Variants in SLC30A2 observed in about 807,000 individuals in gnomAD.
The protein encoded by SLC30A2 is proton-coupled zinc antiporter SLC30A2.
In SLC30A2, 19 loss-of-function variants were observed where a neutral mutation model predicts 39.6. That is an observed-to-expected ratio of 0.48 (90% confidence interval 0.34 to 0.70). The LOEUF (loss-of-function observed/expected upper bound fraction) is 0.70, where lower values mean the gene tolerates loss of function less well. Among genes scored for constraint, SLC30A2 ranks in the 30% least tolerant of loss-of-function variants. The pLI, the probability that SLC30A2 is intolerant of heterozygous loss-of-function variation, is 0.01. For missense variants in SLC30A2, 387 were observed against 479.4 expected (o/e 0.81, Z 1.80); for synonymous variants, 195 against 194.8 (o/e 1.00, Z -0.01).
At position 26,041,777 on chromosome 1, in the gene SLC30A2, C is replaced by G; in HGVS notation, c.761G>C (p.Cys254Ser). The G allele has an allele frequency of 1.2e-6, 2 of 1,612,854 alleles. No homozygotes were observed. The highest frequency in any genetic ancestry group is 1.7e-6 in the Non-Finnish European group (2 of 1,178,884). ...GACCAGGATGGAGAAGACGAAGGTG[C>G]AGATGGGGTCTACATACTTGTATTC... Reference protein sequence around the residue: ...KPEYKYVDPICTFVFSILVLG... With the variant: ...KPEYKYVDPISTFVFSILVLG... The change falls in exon 6 of 8, where the codon TGC (cysteine) becomes TCC (serine). Residue 254 changes from cysteine to serine, a missense_variant. Coordinates refer to ENST00000374276, the MANE Select transcript of SLC30A2 (RefSeq NM_001004434.3).
chr1:26,037,824 G>A lies in SLC30A2; in HGVS notation c.*1336C>T, dbSNP rs933765943. ...GGCACAAAGAGGTCATTTCACAGATGGAAAGACAGAGATTTAAAGTGGGAG... is the reference window on the plus strand; with the variant it reads ...GGCACAAAGAGGTCATTTCACAGATAGAAAGACAGAGATTTAAAGTGGGAG... On this transcript the variant is annotated 3_prime_UTR_variant, in exon 8 of 8. Transcript: ENST00000374276. 1.3e-5 allele frequency: 2 copies of A among 152,260 alleles called. No individual in the cohort carries two copies. Among genetic ancestry groups the A allele is most frequent in the African/African-American group, 4.8e-5 (2 of 41,452 alleles). 9.4% of individuals were successfully genotyped at this position (152,260 alleles called of 1,614,324 possible). A position where few individuals can be genotyped will look rare whatever the true frequency, so the allele number is the denominator to read the frequency against.
At position 26,039,195 on chromosome 1, in the gene SLC30A2, T is replaced by C; in HGVS notation, c.1084A>G (p.Lys362Glu). The change falls in exon 8 of 8, where the codon AAG (lysine) becomes GAG (glutamate). Residue 362 changes from lysine to glutamate, a missense_variant. Physicochemically the swap from Lys to Glu is moderately conservative, Grantham distance 56. Transcript: ENST00000374276. The surrounding 1 kb of genome is among the most constrained non-coding windows in gnomAD (Gnocchi z 4.3). Reference sequence around the variant, plus strand: ...GGGCCCTGGCATGCCTGACAGTCCTTCATGTCCTCCGAGTAGTCCTCGATC... The same window carrying C: ...GGGCCCTGGCATGCCTGACAGTCCTCCATGTCCTCCGAGTAGTCCTCGATC... ...IQIEDYSEDM[K>E]DCQACQGPSD 2 of 1,614,162 alleles carry C rather than the reference T, an allele frequency of 1.2e-6. No individual in the cohort carries two copies. The highest frequency in any genetic ancestry group is 1.7e-6 in the Non-Finnish European group (2 of 1,179,978).
Position 26,043,524 on chromosome 1 carries a change from A to T in SLC30A2, c.446T>A (p.Leu149Gln). The change falls in exon 4 of 8, where the codon CTG (leucine) becomes CAG (glutamine). Residue 149 changes from leucine (L) to glutamine (Q), a missense_variant. By Grantham distance (113) the Leu-to-Gln change is moderately radical. Transcript: ENST00000374276. ...TACCCCCGTCACGACCCAGATGGAC[A>T]GTACAGAGACCAGGGCTCCCAAGAT... ...AEILGALVSVLSIWVVTGVLV... is the reference protein window; with the variant it reads ...AEILGALVSVQSIWVVTGVLV... 6.2e-7 allele frequency: 1 copy of T among 1,614,080 alleles called. No individual in the cohort carries two copies. Among genetic ancestry groups the T allele is most frequent in the South Asian group, 1.1e-5 (1 of 91,066 alleles).
rs751923806 is a variant in SLC30A2 at position 26,039,223 on chromosome 1, G to A, written c.1056C>T (p.Ile352=). 9.9e-6 allele frequency: 16 copies of A among 1,614,174 alleles called. No individual in the cohort carries two copies. The highest frequency in any genetic ancestry group is 1.3e-5 in the African/African-American group (1 of 75,070). ...QGKFHFHTVT[I]QIEDYSEDMK... ...TGTCCTCCGAGTAGTCCTCGATCTGGATGGTCACGGTGTGGAAGTGGAACT... is the reference window on the plus strand; with the variant it reads ...TGTCCTCCGAGTAGTCCTCGATCTGAATGGTCACGGTGTGGAAGTGGAACT... Residue 352 remains isoleucine (I), a synonymous_variant, in exon 8 of 8, where the codon ATC becomes ATT. Coordinates refer to ENST00000374276, the MANE Select transcript of SLC30A2 (RefSeq NM_001004434.3). The surrounding 1 kb of genome is among the most constrained non-coding windows in gnomAD (Gnocchi z 4.3).
At position 26,046,049 on chromosome 1, in the gene SLC30A2, C is replaced by T. The variant is rs1214860813; in HGVS notation, c.-153G>A. The stretch of plus-strand genomic sequence containing the variant: ...GCCCGGCTCCTGCGGCCCCTGAGCT[C>T]CCCCGGCTCCCGCTGCGGCTGCAGC... On this transcript the variant is annotated 5_prime_UTR_variant, in exon 1 of 8. Coordinates refer to ENST00000374276, the MANE Select transcript of SLC30A2 (RefSeq NM_001004434.3). This position sits in a 1 kb window ranked among gnomAD's most constrained non-coding sequence, Gnocchi z 4.4. 7.5e-7 allele frequency: 1 copy of T among 1,337,074 alleles called. No individual in the cohort carries two copies. The highest frequency in any genetic ancestry group is 1.6e-5 in the African/African-American group (1 of 64,424). 82.8% of individuals were successfully genotyped at this position (1,337,074 alleles called of 1,614,324 possible).
At chr1:26,042,306 A>G (rs1421391778) in intron 5 of SLC30A2, among the ~76,000 whole-genome samples, 1 of 152,222 alleles carries the variant, frequency 6.6e-6, no homozygotes, top group Non-Finnish European at 1.5e-5. Context: ...CGGCTGTGTG[A>G]CACTGTGCAA....
At position 26,045,942 on chromosome 1, in the gene SLC30A2, GTGCGCCCTGAAAGT is replaced by G; in HGVS notation, c.-60_-47del. The stretch of plus-strand genomic sequence containing the variant: ...GGCAGCCGCGCAGCCGCCCCGCCGA[GTGCGCCCTGAAAGT>G]TGCGCGCGGGACTCCGGGTGGCGCT... On this transcript the variant is annotated 5_prime_UTR_variant, in exon 1 of 8. Transcript: ENST00000374276. 11 of 1,602,998 alleles carry G rather than the reference GTGCGCCCTGAAAGT, an allele frequency of 6.9e-6. No individual in the cohort carries two copies. Among genetic ancestry groups the G allele is most frequent in the Non-Finnish European group, 9.3e-6 (11 of 1,178,280 alleles).
At position 26,037,274 on chromosome 1, in the gene SLC30A2, C is replaced by T. The variant is rs1450604792; in HGVS notation, c.*1886G>A. 1 of 146,428 alleles carries T rather than the reference C, an allele frequency of 6.8e-6. No homozygotes were observed. The highest frequency in any genetic ancestry group is 2.1e-4 in the East Asian group (1 of 4,848). The allele number at this position is 146,428 out of a possible 1,614,324, so 9.1% of individuals were successfully genotyped here. On this transcript the variant is annotated 3_prime_UTR_variant, in exon 8 of 8. Transcript: ENST00000374276. Reference sequence around the variant, plus strand: ...TTTAAGCTGGAGTCTCGCTCTGTCACCCAGGCTGGAGTGCAGTGGTGTGAT... The same window carrying T: ...TTTAAGCTGGAGTCTCGCTCTGTCATCCAGGCTGGAGTGCAGTGGTGTGAT...
In SLC30A2 at chr1:26,038,842, T is replaced by C. The variant is rs933378569; in HGVS notation, c.*318A>G. 5.6e-6 allele frequency: 2 copies of C among 358,260 alleles called. No homozygotes were observed. The highest frequency in any genetic ancestry group is 4.3e-6 in the Non-Finnish European group (1 of 230,760). The allele number at this position is 358,260 out of a possible 1,614,324, so 22.2% of individuals were successfully genotyped here. Reference sequence around the variant, plus strand: ...GCTGGGGCCAGCCTCCCCTTGGACGTCCCGTGGCTCACCACCTTTGCCCCT... The same window carrying C: ...GCTGGGGCCAGCCTCCCCTTGGACGCCCCGTGGCTCACCACCTTTGCCCCT... On this transcript the variant is annotated 3_prime_UTR_variant, in exon 8 of 8. Coordinates refer to ENST00000374276, the MANE Select transcript of SLC30A2 (RefSeq NM_001004434.3).
intron 3 of SLC30A2, among the ~76,000 whole-genome samples, chr1:26,043,849 G>A (rs1477024361): frequency 1.3e-5 from 2 of 152,218 alleles, no homozygotes; most frequent in South Asian, 2.1e-4. Context: ...GTAAACTGAG[G>A]CTTCTGGGGA....
rs771524095 is a variant in SLC30A2 at position 26,044,406 on chromosome 1, C to A, written c.310G>T (p.Ala104Ser). ...GCAAAGTCAGTGAGCAGGTGTGCTG[C>A]GTCAGTCATGACAGCCAAGCTGTGT... Reference protein sequence around the residue: ...LAHSLAVMTDAAHLLTDFASM... With the variant: ...LAHSLAVMTDSAHLLTDFASM... Residue 104 changes from alanine (A) to serine (S), a missense_variant, in exon 3 of 8, where the codon GCA becomes TCA. Ala to Ser is a moderately conservative substitution (Grantham distance 99). Transcript: ENST00000374276. 8.1e-6 allele frequency: 13 copies of A among 1,613,926 alleles called. No individual in the cohort carries two copies. The highest frequency in any genetic ancestry group is 9.3e-6 in the Non-Finnish European group (11 of 1,179,948).
intron 1 of SLC30A2, among the ~76,000 whole-genome samples, 189 bp downstream of exon 1, chr1:26,045,658 G>A (rs1029506458): frequency 2.0e-5 from 3 of 152,194 alleles, no homozygotes; most frequent in Non-Finnish European, 4.4e-5. Context: ...GTCAGAATCT[G>A]GGCTGCGCCC....
intron 6 of SLC30A2, among the ~76,000 whole-genome samples, chr1:26,041,298 GTC>G (rs2050394776): frequency 6.6e-6 from 1 of 152,154 alleles, no homozygotes; most frequent in Admixed American, 6.5e-5. Flanking sequence ...CTGAGCCTCA[GTC>G]TGCCCCTCTG....
rs35623192 is a variant in SLC30A2 at position 26,039,261 on chromosome 1, G to A, written c.1018C>T (p.Arg340Cys). 70 of 1,614,092 alleles carry A rather than the reference G, an allele frequency of 4.3e-5. 1 individual carries two copies. In the African/African-American group the frequency reaches 6.3e-4, roughly 14 times the overall value. The part of the protein sequence containing the change: ...AQAVLKTASS[R>C]LQGKFHFHTV... ...TGGAAGTGGAACTTCCCTTGGAGGC[G>A]GCTGCTGGCTGTCTTCAGCACAGCC... The change falls in exon 8 of 8, where the codon CGC (arginine) becomes TGC (cysteine). Residue 340 changes from arginine (R) to cysteine (C), a missense_variant. Transcript: ENST00000374276. The surrounding 1 kb of genome is among the most constrained non-coding windows in gnomAD (Gnocchi z 4.3).
intron 1 of SLC30A2, among the ~76,000 whole-genome samples, 182 bp downstream of exon 1, chr1:26,045,665 G>A (rs1312927737): frequency 6.6e-6 from 1 of 152,154 alleles, no homozygotes; most frequent in Non-Finnish European, 1.5e-5. Context: ...TCTGGGCTGC[G>A]CCCCAAGGGA....
Position 26,042,633 on chromosome 1 carries a change from G to T in SLC30A2, c.648C>A (p.Ser216Arg), listed in dbSNP as rs1326085936. The change falls in exon 5 of 8, where the codon AGC becomes AGA. Residue 216 changes from serine to arginine, a missense_variant. Ser to Arg is a moderately radical substitution (Grantham distance 110). Transcript: ENST00000374276. ...GTTNQQEENPSVRAAFIHVIG... is the reference protein window; with the variant it reads ...GTTNQQEENPRVRAAFIHVIG... ...TCACATGGATGAAGGCAGCTCGGACGCTGGGGTTCTCCTCCTGCTGGTTGG... is the reference window on the plus strand; with the variant it reads ...TCACATGGATGAAGGCAGCTCGGACTCTGGGGTTCTCCTCCTGCTGGTTGG... 1 of 1,614,126 alleles carries T rather than the reference G, an allele frequency of 6.2e-7. No individual in the cohort carries two copies. The highest frequency in any genetic ancestry group is 1.3e-5 in the African/African-American group (1 of 75,054).
At chr1:26,045,733 C>A in intron 1 of SLC30A2, 114 bp downstream of exon 1, 1 of 1,541,820 alleles carries the variant, frequency 6.5e-7, no homozygotes, top group East Asian at 2.3e-5. Flanking sequence ...CCCCACCCCT[C>A]CTGCATGGTC....
chr1:26,045,591 G>A (rs1409180232), intron 1 of SLC30A2: 2 of 657,416 alleles, frequency 3.0e-6, no homozygotes. Flanking sequence ...TGGGCGGGGC[G>A]GGACTCCAGG....
intron 3 of SLC30A2, 89 bp downstream of exon 3, chr1:26,044,209 G>A (rs955289130): frequency 2.9e-6 from 4 of 1,380,840 alleles, no homozygotes; most frequent in Non-Finnish European, 4.1e-6. Flanking sequence ...GGGAGGAAGG[G>A]GGGATCCACC....
Sources: gnomAD v4.1 joint callset for allele counts (sites outside exome capture counted in the v4.1 genomes callset) on GRCh38, gnomAD v4.1.1 for gene constraint, Gnocchi (gnomAD v3.1) non-coding constraint, MANE v1.5 for transcripts, NCBI Gene and HGNC (gene_info 2026-07-23, HGNC 2026-07-21) for gene names.